The following BBX variants were observed in gnomAD, a reference collection of about 807,000 sequenced individuals.
BBX encodes the protein HMG box transcription factor BBX.
BBX carries 30 observed loss-of-function variants against 100.2 expected under a neutral mutation model. The observed-to-expected ratio is 0.30, with a 90% CI of 0.22 to 0.41. The LOEUF is 0.41. BBX is among the 10% of genes least tolerant of loss of function. The probability of loss-of-function intolerance (pLI) is 1.00; values close to 1 mark genes in which losing one functional copy is unlikely to be tolerated. For synonymous variants in BBX, 376 were observed against 388.1 expected, an observed-to-expected ratio of 0.97 and a Z score of 0.37; for missense variants, 1,023 against 1,129.8, an observed-to-expected ratio of 0.91 and a Z score of 1.35.
At chr3:107,580,121 G>C (rs1401930449) in intron 2 of BBX, among the ~76,000 whole-genome samples, 2 of 152,148 alleles carry the variant, frequency 1.3e-5, no homozygotes, top group Non-Finnish European at 2.9e-5. Context: ...TATATATGCA[G>C]TTAATTGGGT....
chr3:107,673,956 G>T (rs2059153193), intron 3 of BBX, among the ~76,000 whole-genome samples: 1 of 152,026 alleles, frequency 6.6e-6, no homozygotes, highest in Non-Finnish European at 1.5e-5. Flanking sequence ...TTATGTTGGT[G>T]GACAGATGTG....
intron 2 of BBX, among the ~76,000 whole-genome samples, chr3:107,561,056 C>T (rs187070151): frequency 1.2e-4 from 19 of 152,174 alleles, no homozygotes; most frequent in African/African-American, 4.3e-4. Flanking sequence ...CTCTCATAGT[C>T]GTGACAATCA....
At chr3:107,590,518 C>G (rs1033197743) in intron 2 of BBX, among the ~76,000 whole-genome samples, 1 of 152,148 alleles carries the variant, frequency 6.6e-6, no homozygotes, top group Non-Finnish European at 1.5e-5. Context: ...ATCAACCTGC[C>G]GATCCTTCTC....
chr3:107,671,929 A>C (rs975578549), intron 3 of BBX, among the ~76,000 whole-genome samples: 13 of 152,066 alleles, frequency 8.5e-5, no homozygotes, highest in Non-Finnish European at 1.6e-4. Flanking sequence ...TCTACTTGTG[A>C]TTCTTTATCT....
At chr3:107,710,150 G>T (rs759421716) in intron 3 of BBX, among the ~76,000 whole-genome samples, 1 of 152,170 alleles carries the variant, frequency 6.6e-6, no homozygotes, top group Non-Finnish European at 1.5e-5. Flanking sequence ...ACATCCTTAA[G>T]CTTACTGGGG....
intron 4 of BBX, among the ~76,000 whole-genome samples, chr3:107,711,880 CT>C (rs35663170): frequency 1.0e-4 from 15 of 148,574 alleles, no homozygotes; most frequent in Admixed American, 2.7e-4. Context: ...TTTATCCTTT[CT>C]TTTTTTTTTA....
At chr3:107,579,576 C>T (rs968703216) in intron 2 of BBX, among the ~76,000 whole-genome samples, 3 of 152,198 alleles carry the variant, frequency 2.0e-5, no homozygotes, top group Admixed American at 6.5e-5. Context: ...GAGAGCCTGG[C>T]GGGTCTTTTC....
At chr3:107,780,096 A>G (rs1261458406) in intron 13 of BBX, among the ~76,000 whole-genome samples, 3 of 152,262 alleles carry the variant, frequency 2.0e-5, no homozygotes, top group East Asian at 1.9e-4. Context: ...GCTGAGCACC[A>G]TAATGGATTG....
intron 3 of BBX, chr3:107,657,315 CG>C (rs1418789198): frequency 6.6e-6 from 1 of 152,052 alleles, no homozygotes. Context: ...TTCCCATTTA[CG>C]GGGCAAAAGT....
At chr3:107,723,415 A>AT (rs201863062) in intron 5 of BBX, among the ~76,000 whole-genome samples, 2,107 of 151,494 alleles carry the variant, frequency 0.014, 21 homozygotes, top group Non-Finnish European at 0.022. Flanking sequence ...TATTTTTTTA[A>AT]TTTTTTTTAT....
intron 2 of BBX, among the ~76,000 whole-genome samples, chr3:107,596,666 G>A (rs551638468): frequency 6.6e-6 from 1 of 152,282 alleles, no homozygotes; most frequent in East Asian, 1.9e-4. Context: ...AATGTTACTG[G>A]TGATTGCCTG....
chr3:107,696,431 G>C (rs1440056194), intron 3 of BBX, among the ~76,000 whole-genome samples: 1 of 151,258 alleles, frequency 6.6e-6, no homozygotes, highest in Non-Finnish European at 1.5e-5. Flanking sequence ...TGTCTGTAAA[G>C]TATTTTATTT....
At chr3:107,691,535 T>C (rs1192045532) in intron 3 of BBX, among the ~76,000 whole-genome samples, 1 of 152,150 alleles carries the variant, frequency 6.6e-6, no homozygotes, top group Non-Finnish European at 1.5e-5. Context: ...AAATGGAAAA[T>C]ATTTAACATA....
chr3:107,523,303 C>G (rs1040112181), intron 1 of BBX, among the ~76,000 whole-genome samples, 196 bp downstream of exon 1: 1 of 152,018 alleles, frequency 6.6e-6, no homozygotes, highest in Non-Finnish European at 1.5e-5. Context: ...CCGGAGCCGC[C>G]GCCAGCCGGC....
intron 6 of BBX, among the ~76,000 whole-genome samples, chr3:107,731,622 C>T (rs140059731): frequency 1.0e-3 from 152 of 152,232 alleles, no homozygotes; most frequent in African/African-American, 3.4e-3. Flanking sequence ...TTTTGACCCC[C>T]TGATCTTTTG....
At chr3:107,525,049 G>A (rs953810705) in intron 1 of BBX, among the ~76,000 whole-genome samples, 2 of 150,294 alleles carry the variant, frequency 1.3e-5, no homozygotes, top group African/African-American at 2.4e-5. Context: ...TTGCCCACTG[G>A]CGGCGTGGGG....
chr3:107,666,183 C>T (rs2058732925), intron 3 of BBX, among the ~76,000 whole-genome samples: 1 of 152,170 alleles, frequency 6.6e-6, no homozygotes, highest in Non-Finnish European at 1.5e-5. Flanking sequence ...GGAAGGGGAA[C>T]CAACTTCCTT....
At chr3:107,557,619 A>T (rs1474370190) in intron 2 of BBX, among the ~76,000 whole-genome samples, 1 of 152,236 alleles carries the variant, frequency 6.6e-6, no homozygotes, top group African/African-American at 2.4e-5. Context: ...CTGATGACCT[A>T]TTCCCGGCTT....
intron 4 of BBX, 121 bp from the exon 5 acceptor site, chr3:107,716,486 C>A: frequency 8.3e-7 from 1 of 1,199,160 alleles, no homozygotes; most frequent in Non-Finnish European, 1.2e-6. Context: ...ATATTTTTTT[C>A]AATGTGTAAG....
Sources: gnomAD v4.1 joint callset for allele counts (sites outside exome capture counted in the v4.1 genomes callset) on GRCh38, gnomAD v4.1.1 for gene constraint, MANE v1.5 for transcripts, NCBI Gene and HGNC (gene_info 2026-07-23, HGNC 2026-07-21) for gene names.